The following ACTR3 variants were observed in gnomAD, a reference collection of about 807,000 sequenced individuals.
ACTR3 encodes the protein actin related protein 3.
Under a neutral mutation model 56.8 loss-of-function variants are expected in ACTR3, and 12 were observed. That is an observed-to-expected ratio of 0.21 (90% CI 0.14 to 0.34). The LOEUF (loss-of-function observed/expected upper bound fraction) is 0.34. Among genes scored for constraint, ACTR3 ranks in the 10% least tolerant of loss-of-function variants. The pLI, the probability that ACTR3 is intolerant of heterozygous loss-of-function variation, is 1.00. For synonymous variants in ACTR3, 162 were observed against 167.4 expected (o/e 0.97, Z 0.25); for missense variants, 282 against 512.5 (o/e 0.55, Z 4.34).
intron 4 of ACTR3, among the ~76,000 whole-genome samples, chr2:113,930,519 T>G (rs1679699968): frequency 6.6e-6 from 1 of 152,192 alleles, no homozygotes; most frequent in African/African-American, 2.4e-5. Context: ...TCTTTTACAT[T>G]TAAGTATTTG....
chr2:113,940,581 A>G (rs1408306562), intron 7 of ACTR3, among the ~76,000 whole-genome samples: 1 of 152,096 alleles, frequency 6.6e-6, no homozygotes, highest in Non-Finnish European at 1.5e-5. Context: ...AAAGTATTTT[A>G]TTAATTTTTT....
intron 1 of ACTR3, among the ~76,000 whole-genome samples, chr2:113,894,589 G>C (rs966328445): frequency 1.4e-4 from 21 of 151,188 alleles, no homozygotes; most frequent in African/African-American, 5.1e-4. Flanking sequence ...CTCCTTTCCT[G>C]CCTGCCAATT....
chr2:113,936,619 G>A (rs1679831991), intron 6 of ACTR3, among the ~76,000 whole-genome samples: 1 of 152,064 alleles, frequency 6.6e-6, no homozygotes, highest in Non-Finnish European at 1.5e-5. Context: ...TTTATATGTT[G>A]TGAACTCAAT....
In ACTR3 at chr2:113,951,239, A is replaced by C. The variant is rs1680116054; in HGVS notation, c.859-240A>C. The C allele has an allele frequency of 2.2e-5, 7 of 313,788 alleles. No individual in the cohort carries two copies. The Admixed American group carries it at 3.1e-4, about 14-fold the overall frequency. The allele number at this position is 313,788 out of a possible 1,614,324, so 19.4% of individuals were successfully genotyped here. On this transcript the variant is annotated intron_variant, in intron 8 of 11. Transcript: ENST00000263238. ...GTTTCCATTTACCCAGATTTTTGCC[A>C]GCTCATAGTATATGTATGACTTTAC...
rs375416428 is a variant in ACTR3, at chr2:113,951,609, A to G, written c.951+38A>G. ...AAATTGTTATTCAAGGTCTTACTTT[A>G]AAAAAACTTAAACACCTCTCATAAA... On this transcript the variant is annotated intron_variant, in intron 9 of 11. Transcript: ENST00000263238. 1.1e-4 allele frequency: 173 copies of G among 1,563,898 alleles called. 1 individual carries two copies. In the African/African-American group the frequency reaches 1.8e-3, roughly 17 times the overall value.
intron 7 of ACTR3, among the ~76,000 whole-genome samples, chr2:113,940,865 A>G (rs1379031125): frequency 1.3e-5 from 2 of 149,354 alleles, no homozygotes; most frequent in East Asian, 3.9e-4. Flanking sequence ...CTGCTACCCA[A>G]GCTGGAGCGC....
At chr2:113,938,888 C>T (rs1679874991) in intron 6 of ACTR3, among the ~76,000 whole-genome samples, 1 of 152,182 alleles carries the variant, frequency 6.6e-6, no homozygotes, top group African/African-American at 2.4e-5. Context: ...TTTGAGTTCT[C>T]TTTCCTATTG....
chr2:113,941,138 G>A (rs1238128028), intron 7 of ACTR3, among the ~76,000 whole-genome samples: 7 of 152,142 alleles, frequency 4.6e-5, no homozygotes, highest in East Asian at 3.9e-4. Context: ...TTCCTTGCTC[G>A]TCAGAGCTTA....
chr2:113,891,558 G>A (rs1678897421), intron 1 of ACTR3, among the ~76,000 whole-genome samples: 1 of 144,624 alleles, frequency 6.9e-6, no homozygotes, highest in African/African-American at 2.8e-5. Flanking sequence ...CCAATTCCCA[G>A]AACACTCCCA....
chr2:113,898,017 A>T (rs747817807), intron 1 of ACTR3, among the ~76,000 whole-genome samples: 3 of 152,198 alleles, frequency 2.0e-5, no homozygotes, highest in Non-Finnish European at 4.4e-5. Flanking sequence ...AGGAGAGGTT[A>T]CAATGAGGAG....
intron 6 of ACTR3, among the ~76,000 whole-genome samples, chr2:113,937,569 A>G (rs1432234017): frequency 6.6e-6 from 1 of 152,144 alleles, no homozygotes; most frequent in Non-Finnish European, 1.5e-5. Context: ...ACTTTTGTAC[A>G]TCCTTTGAAA....
chr2:113,950,222 A>G (rs1179863451), intron 8 of ACTR3, among the ~76,000 whole-genome samples: 2 of 152,252 alleles, frequency 1.3e-5, no homozygotes, highest in Non-Finnish European at 2.9e-5. Context: ...ACTAGAACAC[A>G]TGTCTGAACA....
chr2:113,905,668 C>T (rs923300386), intron 1 of ACTR3, among the ~76,000 whole-genome samples: 2 of 152,104 alleles, frequency 1.3e-5, no homozygotes, highest in African/African-American at 4.8e-5. Context: ...TCCTCACATG[C>T]GAAGTCCCAG....
chr2:113,890,799 G>A (rs1377212424), intron 1 of ACTR3: 9 of 1,000,820 alleles, frequency 9.0e-6, no homozygotes, highest in East Asian at 1.1e-4. Flanking sequence ...CAAGATCGCT[G>A]TGACAACATT....
At chr2:113,912,142 C>T (rs1380824085) in intron 1 of ACTR3, among the ~76,000 whole-genome samples, 1 of 151,920 alleles carries the variant, frequency 6.6e-6, no homozygotes, top group African/African-American at 2.4e-5. Flanking sequence ...TCCCAAAGTG[C>T]TAGTGTTACA....
intron 9 of ACTR3, 43 bp downstream of exon 9, chr2:113,951,614 A>ACTT: frequency 6.4e-7 from 1 of 1,557,500 alleles, no homozygotes; most frequent in East Asian, 2.2e-5. Flanking sequence ...ACTTTAAAAA[A>ACTT]ACTTAAACAC....
chr2:113,923,626 T>C (rs12466636), intron 3 of ACTR3, among the ~76,000 whole-genome samples: 129,608 of 152,160 alleles, frequency 0.85, 55,467 homozygotes, highest in African/African-American at 0.9. Context: ...TGAGCCACTG[T>C]GCCCGGCCTG....
At chr2:113,904,853 G>A (rs1467340211) in intron 1 of ACTR3, 2 of 152,152 alleles carry the variant, frequency 1.3e-5, no homozygotes, top group Non-Finnish European at 2.9e-5. Context: ...TTCTGGGAAT[G>A]GTTAGTGTCT....
At chr2:113,945,902 T>TTC (rs1450914246) in intron 8 of ACTR3, among the ~76,000 whole-genome samples, 1 of 152,218 alleles carries the variant, frequency 6.6e-6, no homozygotes, top group East Asian at 1.9e-4. Flanking sequence ...GTAATTGGTT[T>TTC]TCTGTTCTTG....
Sources: allele counts gnomAD v4.1 joint callset (sites outside exome capture counted in the v4.1 genomes callset), GRCh38; gene constraint gnomAD v4.1.1; transcripts MANE v1.5; gene names NCBI Gene and HGNC (gene_info 2026-07-23, HGNC 2026-07-21).